The following DCC variants were observed in gnomAD, a reference collection of about 807,000 sequenced individuals.
DCC encodes DCC netrin 1 receptor, also known as netrin receptor DCC.
DCC carries 58 observed loss-of-function variants against 172.5 expected under a neutral mutation model. The ratio of observed to expected loss-of-function variants is 0.34; its 90% CI spans 0.27 to 0.42. The LOEUF is 0.42. Ranked by LOEUF, DCC falls within the 10% of genes least tolerant of loss-of-function variation. The pLI is 1.00. For missense variants in DCC, 1,740 were observed against 1,791.0 expected (o/e 0.97, Z 0.51); for synonymous variants, 709 against 644.5 (o/e 1.10, Z -1.52).
At chr18:52,873,852 T>C (rs1598887581) in intron 2 of DCC, among the ~76,000 whole-genome samples, 1 of 152,084 alleles carries the variant, frequency 6.6e-6, no homozygotes, top group Non-Finnish European at 1.5e-5. Context: ...GGCTAATGAG[T>C]GATTGTCCCT....
intron 2 of DCC, among the ~76,000 whole-genome samples, chr18:52,857,131 T>A (rs989640435): frequency 2.0e-5 from 3 of 152,194 alleles, no homozygotes; most frequent in African/African-American, 4.8e-5. Context: ...GGTAAAAAAA[T>A]AATATCATGT....
At chr18:52,963,129 A>T (rs113112270) in intron 5 of DCC, among the ~76,000 whole-genome samples, 1 of 151,836 alleles carries the variant, frequency 6.6e-6, no homozygotes, top group African/African-American at 2.4e-5. Flanking sequence ...AATAAAAAAA[A>T]GTGAATTAAG....
intron 1 of DCC, among the ~76,000 whole-genome samples, chr18:52,497,335 A>G (rs1223805499): frequency 9.9e-6 from 1 of 101,226 alleles, no homozygotes; most frequent in African/African-American, 3.9e-5. Context: ...ATATATATAC[A>G]CACGTATGCA....
At chr18:53,246,792 C>T (rs1328235615) in intron 12 of DCC, among the ~76,000 whole-genome samples, 4 of 151,894 alleles carry the variant, frequency 2.6e-5, no homozygotes, top group East Asian at 1.9e-4. Context: ...GTAGAATAGC[C>T]GAATTAGTTA....
chr18:52,969,605 CTCTCTCTCTCTCT>C, intron 5 of DCC, among the ~76,000 whole-genome samples: 1 of 149,438 alleles, frequency 6.7e-6, no homozygotes, highest in Admixed American at 6.7e-5. Flanking sequence ...CTCTCTCTCT[CTCTCTCTCTCTCT>C]CTCTTTCTGT....
At chr18:52,567,691 GA>G (rs1309221723) in intron 1 of DCC, among the ~76,000 whole-genome samples, 4 of 152,092 alleles carry the variant, frequency 2.6e-5, no homozygotes, top group African/African-American at 9.7e-5. Context: ...TGAGTGATGA[GA>G]AATTACTTCG....
chr18:53,492,554 A>C (rs549392729), intron 26 of DCC, among the ~76,000 whole-genome samples: 5 of 152,290 alleles, frequency 3.3e-5, no homozygotes, highest in Admixed American at 3.3e-4. Context: ...ACCATTTATT[A>C]AATAGGGAAT....
intron 1 of DCC, among the ~76,000 whole-genome samples, chr18:52,387,496 A>G (rs1985847470): frequency 6.6e-6 from 1 of 152,040 alleles, no homozygotes; most frequent in South Asian, 2.1e-4. Context: ...CAGAGCTACT[A>G]CCAGCAGCAG....
intron 5 of DCC, among the ~76,000 whole-genome samples, chr18:53,015,113 C>T (rs1173727879): frequency 6.6e-6 from 1 of 152,184 alleles, no homozygotes; most frequent in African/African-American, 2.4e-5. Context: ...AGATTCTAGA[C>T]TATCACTAGA....
At chr18:53,494,808 G>A (rs544248661) in intron 26 of DCC, among the ~76,000 whole-genome samples, 25 of 152,136 alleles carry the variant, frequency 1.6e-4, no homozygotes, top group Admixed American at 1.6e-3. Context: ...TGCACTTAAG[G>A]TTAATATTGT....
intron 12 of DCC, among the ~76,000 whole-genome samples, chr18:53,275,291 T>G (rs1018055285): frequency 1.3e-5 from 2 of 152,092 alleles, no homozygotes; most frequent in Admixed American, 1.3e-4. Context: ...ACTAAGAAGA[T>G]AAAAATCATT....
intron 25 of DCC, among the ~76,000 whole-genome samples, chr18:53,477,646 AAAAC>A (rs1197473926): frequency 2.0e-5 from 3 of 152,244 alleles, no homozygotes; most frequent in African/African-American, 7.2e-5. Flanking sequence ...GTTAACAGAT[AAAAC>A]ATAAGTTATC....
At chr18:52,514,639 G>T (rs1056524239) in intron 1 of DCC, among the ~76,000 whole-genome samples, 1 of 152,178 alleles carries the variant, frequency 6.6e-6, no homozygotes, top group African/African-American at 2.4e-5. Flanking sequence ...AGTCTGTGCT[G>T]CTTATTATCA....
chr18:52,878,032 A>C (rs1449044147), intron 2 of DCC, among the ~76,000 whole-genome samples: 1 of 152,026 alleles, frequency 6.6e-6, no homozygotes, highest in East Asian at 1.9e-4. Flanking sequence ...TCTCTTCCCC[A>C]GCATTCATGA....
chr18:53,526,918 A>G, intron 28 of DCC, 159 bp downstream of exon 28: 2 of 723,406 alleles, frequency 2.8e-6, no homozygotes, highest in South Asian at 3.2e-5. Context: ...GCACTTAAAT[A>G]TGAAGAGGAA....
chr18:53,483,053 T>G (rs2045854534), intron 25 of DCC, among the ~76,000 whole-genome samples: 1 of 152,028 alleles, frequency 6.6e-6, no homozygotes, highest in Middle Eastern at 3.4e-3. Context: ...TTAAACTCAC[T>G]TGAAAAATAT....
intron 27 of DCC, 26 bp from the exon 28 acceptor site, chr18:53,526,591 T>A: frequency 1.2e-6 from 2 of 1,612,344 alleles, no homozygotes; most frequent in Non-Finnish European, 1.7e-6. Flanking sequence ...TCTACATTAC[T>A]TTCATCACTG....
intron 1 of DCC, among the ~76,000 whole-genome samples, chr18:52,457,055 T>C (rs1210341997): frequency 6.6e-6 from 1 of 152,200 alleles, no homozygotes. Context: ...GAGCTTTTTG[T>C]ATGAGCTTTT....
intron 2 of DCC, among the ~76,000 whole-genome samples, chr18:52,781,428 T>C (rs976368023): frequency 1.3e-5 from 2 of 149,972 alleles, no homozygotes; most frequent in African/African-American, 4.9e-5. Context: ...TGATTACAAG[T>C]CATCATAGAC....
Sources: allele counts gnomAD v4.1 joint callset (sites outside exome capture counted in the v4.1 genomes callset), GRCh38; gene constraint gnomAD v4.1.1; transcripts MANE v1.5; gene names NCBI Gene and HGNC (gene_info 2026-07-23, HGNC 2026-07-21).